The following LHPP variants were observed in gnomAD, a reference collection of about 807,000 sequenced individuals.
The protein encoded by LHPP is hLHPP.
In LHPP, 24 loss-of-function variants were observed where a neutral mutation model predicts 30.3. The ratio of observed to expected loss-of-function variants is 0.79; its 90% confidence interval spans 0.57 to 1.11. LHPP has a LOEUF of 1.11. LHPP is among the 50% of genes most tolerant of loss of function. The probability of loss-of-function intolerance (pLI) is 0.00; values close to 1 mark genes in which losing one functional copy is unlikely to be tolerated. For missense variants in LHPP, 356 were observed against 367.2 expected (o/e 0.97, Z 0.25); for synonymous variants, 150 against 157.1 (o/e 0.95, Z 0.34).
At chr10:124,581,708 TC>T (rs1948743900) in intron 6 of LHPP, among the ~76,000 whole-genome samples, 1 of 152,192 alleles carries the variant, frequency 6.6e-6, no homozygotes, top group South Asian at 2.1e-4. Flanking sequence ...CTGTATGTCT[TC>T]CTTGGAGAAA....
chr10:124,471,476 A>G (rs1205137882), intron 1 of LHPP, among the ~76,000 whole-genome samples: 2 of 1,698 alleles, frequency 1.2e-3, no homozygotes, highest in African/African-American at 1.5e-3. Context: ...TATATATTAT[A>G]TATATTTATA....
intron 1 of LHPP, 132 bp from the exon 2 acceptor site, chr10:124,484,007 C>T (rs887751336): frequency 3.1e-5 from 24 of 777,692 alleles, no homozygotes; most frequent in Non-Finnish European, 6.2e-6. Flanking sequence ...GCCAGGACCC[C>T]CTCAGGGGCT....
intron 6 of LHPP, among the ~76,000 whole-genome samples, chr10:124,551,956 T>C (rs1668815239): frequency 6.6e-6 from 1 of 152,072 alleles, no homozygotes. Flanking sequence ...CCTGAGACCC[T>C]CAGGCCCATC....
intron 6 of LHPP, among the ~76,000 whole-genome samples, chr10:124,581,510 T>C (rs1948741726): frequency 1.3e-5 from 2 of 152,244 alleles, no homozygotes; most frequent in African/African-American, 4.8e-5. Context: ...TTTTATGCCA[T>C]TTTACATTCC....
At chr10:124,515,585 G>T (rs1954430555) in intron 5 of LHPP, among the ~76,000 whole-genome samples, 1 of 152,092 alleles carries the variant, frequency 6.6e-6, no homozygotes, top group Admixed American at 6.6e-5. Flanking sequence ...GGATATTTTT[G>T]TGTGCCCATA....
At chr10:124,471,441 ATATATT>A (rs1242808476) in intron 1 of LHPP, among the ~76,000 whole-genome samples, 1,487 of 5,730 alleles carry the variant, frequency 0.26, 318 homozygotes, top group Middle Eastern at 0.36. Flanking sequence ...TATATATTAT[ATATATT>A]TATATATTTA....
chr10:124,526,261 G>A (rs1413690681), intron 6 of LHPP: 10 of 983,664 alleles, frequency 1.0e-5, no homozygotes, highest in Non-Finnish European at 1.2e-5. Flanking sequence ...GGGGGATAAC[G>A]CAGGTATGCC....
intron 6 of LHPP, among the ~76,000 whole-genome samples, chr10:124,594,076 C>A (rs183584381): frequency 1.3e-5 from 2 of 152,146 alleles, no homozygotes; most frequent in Non-Finnish European, 2.9e-5. Flanking sequence ...GGGGCTCCCA[C>A]CAGCACTTTG....
intron 5 of LHPP, 198 bp downstream of exon 5, chr10:124,498,326 A>G: frequency 6.4e-7 from 1 of 1,574,772 alleles, no homozygotes; most frequent in Non-Finnish European, 8.6e-7. Context: ...TCAACCGTGA[A>G]GTTACTTTCA....
rs577786236 is a variant in LHPP, at chr10:124,613,698, T to C, written c.*338T>C. 2 of 400,588 alleles carry C rather than the reference T, an allele frequency of 5.0e-6. No homozygotes were observed. Among genetic ancestry groups the C allele is most frequent in the East Asian group, 9.4e-5 (2 of 21,258 alleles). The allele number at this position is 400,588 out of a possible 1,614,324, so 24.8% of individuals were successfully genotyped here. A position where few individuals can be genotyped will look rare whatever the true frequency, so the allele number is the denominator to read the frequency against. ...CTGGGAATCTCCCAAATCCCAGAAC[T>C]CACCACTCACCATGGGCCTTTAAAT... is the stretch of plus-strand genomic sequence containing the variant. On this transcript the variant is annotated 3_prime_UTR_variant, in exon 7 of 7. Transcript: ENST00000368842.
At chr10:124,527,691 A>G (rs1030104094) in intron 6 of LHPP, among the ~76,000 whole-genome samples, 1 of 152,210 alleles carries the variant, frequency 6.6e-6, no homozygotes, top group Non-Finnish European at 1.5e-5. Flanking sequence ...GGAGACCCCA[A>G]GAGCACTGCC....
intron 6 of LHPP, among the ~76,000 whole-genome samples, chr10:124,600,102 AG>A (rs1949002489): frequency 6.6e-6 from 1 of 152,004 alleles, no homozygotes; most frequent in African/African-American, 2.4e-5. Context: ...GAGCGGGGAG[AG>A]GGGGCAGCTG....
chr10:124,563,962 T>A (rs991176352), intron 6 of LHPP, among the ~76,000 whole-genome samples: 6 of 152,108 alleles, frequency 3.9e-5, no homozygotes, highest in African/African-American at 1.4e-4. Flanking sequence ...ACACTTTTTT[T>A]TTTAAGAGAT....
chr10:124,585,443 C>T (rs1467254845), intron 6 of LHPP, among the ~76,000 whole-genome samples: 4 of 151,550 alleles, frequency 2.6e-5, no homozygotes, highest in Non-Finnish European at 5.9e-5. Flanking sequence ...AGTGAAACCC[C>T]GACTCTACTA....
At chr10:124,501,342 C>CT (rs1377893086) in intron 5 of LHPP, among the ~76,000 whole-genome samples, 2 of 151,688 alleles carry the variant, frequency 1.3e-5, no homozygotes, top group Non-Finnish European at 2.9e-5. Context: ...CAGCTCACAC[C>CT]TGTAACCACA....
rs187146429 is a variant in LHPP, at chr10:124,504,487, C to T, written c.624+6359C>T. 1.8e-3 allele frequency among the ~76,000 whole-genome samples: 266 copies of T among 146,968 alleles called. 2 individuals are homozygous for T. Among genetic ancestry groups the T allele is most frequent in the Non-Finnish European group, 3.1e-3 (207 of 67,206 alleles). ...TGGTTGCATGTGCCTATGGTTCCAG[C>T]TACTTGGGGGGCTGAGGTGGGCAGA... On this transcript the variant is annotated intron_variant, in intron 5 of 6. Transcript: ENST00000368842.
intron 6 of LHPP, among the ~76,000 whole-genome samples, chr10:124,564,125 A>ATT (rs1462469799): frequency 1.0e-4 from 13 of 123,942 alleles, no homozygotes; most frequent in African/African-American, 2.7e-4. Flanking sequence ...TTAAAAAAAA[A>ATT]TTTTTTTTTT....
chr10:124,532,426 C>T (rs554518965), intron 6 of LHPP, among the ~76,000 whole-genome samples: 31 of 152,342 alleles, frequency 2.0e-4, no homozygotes, highest in African/African-American at 4.1e-4. Context: ...CCCAAAAGCC[C>T]GAGCTCACAG....
intron 1 of LHPP, among the ~76,000 whole-genome samples, chr10:124,481,214 T>TAACA (rs1189402750): frequency 4.4e-5 from 6 of 136,446 alleles, no homozygotes; most frequent in Non-Finnish European, 1.0e-4. Context: ...AAACAAAAAC[T>TAACA]GACAGAGACA....
Sources: gnomAD v4.1 joint callset for allele counts (sites outside exome capture counted in the v4.1 genomes callset) on GRCh38, gnomAD v4.1.1 for gene constraint, MANE v1.5 for transcripts, NCBI Gene and HGNC (gene_info 2026-07-23, HGNC 2026-07-21) for gene names.